NECTIN3: variants seen among roughly 807,000 people sequenced by gnomAD.
NECTIN3 encodes the protein nectin cell adhesion molecule 3.
A neutral mutation model predicts 49.4 loss-of-function variants in NECTIN3; 8 were observed. That is an observed-to-expected ratio of 0.16 (90% CI 0.10 to 0.29). NECTIN3 has a LOEUF of 0.29. Among genes scored for constraint, NECTIN3 ranks in the 10% least tolerant of loss-of-function variants. The probability of loss-of-function intolerance (pLI) is 1.00; values close to 1 mark genes in which losing one functional copy is unlikely to be tolerated. For synonymous variants in NECTIN3, 277 were observed against 241.1 expected (o/e 1.15, Z -1.38); for missense variants, 581 against 654.6 (o/e 0.89, Z 1.23).
chr3:111,126,032 T>G, intron 4 of NECTIN3, 152 bp from the exon 5 acceptor site: 1 of 529,574 alleles, frequency 1.9e-6, no homozygotes, highest in Non-Finnish European at 3.0e-6. Flanking sequence ...AATGAAAATT[T>G]GTTACTTTTT....
At chr3:111,087,812 C>T (rs1488253269) in intron 1 of NECTIN3, among the ~76,000 whole-genome samples, 4 of 151,896 alleles carry the variant, frequency 2.6e-5, no homozygotes, top group Non-Finnish European at 5.9e-5. Context: ...ATTCTCTTGC[C>T]TCAGTCTCCT....
intron 7 of NECTIN3, among the ~76,000 whole-genome samples, chr3:111,154,622 G>A (rs891049732): frequency 4.1e-4 from 62 of 152,144 alleles, no homozygotes; most frequent in African/African-American, 1.4e-3. Context: ...TATGAGCCAA[G>A]TGAGTTGCTT....
chr3:111,128,811 T>C (rs933129544), intron 5 of NECTIN3, among the ~76,000 whole-genome samples: 1 of 152,210 alleles, frequency 6.6e-6, no homozygotes, highest in Non-Finnish European at 1.5e-5. Context: ...ATTTCACTAT[T>C]ACAATAACCA....
At position 111,133,697 on chromosome 3, in the gene NECTIN3, G is replaced by A. The variant is rs1205844764; in HGVS notation, c.1132G>A (p.Glu378Lys). Residue 378 changes from glutamate (E) to lysine (K), a missense_variant, in exon 6 of 6, where the codon GAG (glutamate) becomes AAG (lysine). Glu to Lys is a moderately conservative substitution (Grantham distance 56). Around this residue, in one of 3 missense-constraint regions of NECTIN3, gnomAD observed 238 missense variants for 244.9 expected, o/e 0.97. Coordinates refer to ENST00000485303, the MANE Select transcript of NECTIN3 (RefSeq NM_015480.3). ...IQWHPSTADI[E>K]DLATEPKKLP... ...GTGGCATCCCTCAACTGCTGACATC[G>A]AGGATCTAGCAACAGAACCTAAAAA... The A allele has an allele frequency of 5.6e-6, 9 of 1,613,636 alleles. No homozygotes were observed. The highest frequency in any genetic ancestry group is 4.0e-5 in the African/African-American group (3 of 74,854).
intron 7 of NECTIN3, among the ~76,000 whole-genome samples, chr3:111,172,336 A>G (rs1044241795): frequency 1.3e-5 from 2 of 152,168 alleles, no homozygotes; most frequent in African/African-American, 4.8e-5. Flanking sequence ...GCTTAATGAT[A>G]CTATGTTAAG....
downstream of NECTIN3, among the ~76,000 whole-genome samples, chr3:111,140,693 A>C (rs1426664115): frequency 1.3e-5 from 2 of 151,728 alleles, no homozygotes; most frequent in Non-Finnish European, 2.9e-5. Flanking sequence ...TTATTAGTTC[A>C]CTCAGCTGAG....
intron 7 of NECTIN3, among the ~76,000 whole-genome samples, chr3:111,186,429 G>A (rs2035720886): frequency 6.6e-6 from 1 of 152,048 alleles, no homozygotes; most frequent in South Asian, 2.1e-4. Flanking sequence ...TCTGATCTTT[G>A]ACAAAGTCAA....
At chr3:111,117,111 T>A (rs908814452) in intron 2 of NECTIN3, among the ~76,000 whole-genome samples, 2 of 152,080 alleles carry the variant, frequency 1.3e-5, no homozygotes, top group Non-Finnish European at 2.9e-5. Context: ...TATACAATTG[T>A]ATGTAAATCC....
At chr3:111,124,419 T>C (rs1576133925) in intron 4 of NECTIN3, among the ~76,000 whole-genome samples, 1 of 152,202 alleles carries the variant, frequency 6.6e-6, no homozygotes, top group East Asian at 1.9e-4. Flanking sequence ...TCTAAGTCAT[T>C]TTACAATTTC....
At chr3:111,145,360 C>T (rs1226200814) in intron 6 of NECTIN3, among the ~76,000 whole-genome samples, 2 of 151,924 alleles carry the variant, frequency 1.3e-5, no homozygotes, top group Admixed American at 6.6e-5. Context: ...AAGTGGTAAC[C>T]GAAGGACATA....
intron 1 of NECTIN3, among the ~76,000 whole-genome samples, chr3:111,075,847 A>G (rs939167929): frequency 6.6e-5 from 10 of 152,148 alleles, no homozygotes; most frequent in Non-Finnish European, 1.5e-4. Flanking sequence ...CCATAAGGTC[A>G]CTTAGAATGT....
chr3:111,146,365 C>T (rs1188242831), intron 6 of NECTIN3, among the ~76,000 whole-genome samples: 7 of 144,874 alleles, frequency 4.8e-5, no homozygotes, highest in South Asian at 4.4e-4. Flanking sequence ...ACCCGGGAGG[C>T]GGAGCTTGCA....
chr3:111,082,773 T>C (rs940143524), intron 1 of NECTIN3, among the ~76,000 whole-genome samples: 8 of 152,180 alleles, frequency 5.3e-5, no homozygotes, highest in Non-Finnish European at 1.0e-4. Flanking sequence ...GATTGTAATA[T>C]ATAATGAAAT....
intron 7 of NECTIN3, among the ~76,000 whole-genome samples, chr3:111,154,700 G>C (rs1480140975): frequency 6.6e-6 from 1 of 152,048 alleles, no homozygotes; most frequent in Non-Finnish European, 1.5e-5. Flanking sequence ...GTGTGGTTGT[G>C]TTTTATTTAG....
chr3:111,115,568 C>G (rs1279128204), intron 2 of NECTIN3, among the ~76,000 whole-genome samples: 1 of 152,160 alleles, frequency 6.6e-6, no homozygotes, highest in Non-Finnish European at 1.5e-5. Context: ...TCCCAAGTGA[C>G]TTATGTACAC....
At chr3:111,157,211 A>C (rs533694552) in intron 7 of NECTIN3, among the ~76,000 whole-genome samples, 1 of 152,258 alleles carries the variant, frequency 6.6e-6, no homozygotes, top group South Asian at 2.1e-4. Flanking sequence ...ATATTTTTCA[A>C]AACGCATTAG....
At chr3:111,165,673 A>G (rs142021730) in intron 7 of NECTIN3, among the ~76,000 whole-genome samples, 3 of 152,292 alleles carry the variant, frequency 2.0e-5, no homozygotes, top group South Asian at 4.1e-4. Flanking sequence ...TGCCTGTAAA[A>G]CTTAAAAAGC....
At chr3:111,161,741 C>T (rs1424278283) in intron 7 of NECTIN3, among the ~76,000 whole-genome samples, 3 of 152,166 alleles carry the variant, frequency 2.0e-5, no homozygotes, top group Non-Finnish European at 2.9e-5. Flanking sequence ...AGCCATCCCT[C>T]GTTCCAAAAA....
At chr3:111,152,933 G>A (rs1259644333) in intron 7 of NECTIN3, among the ~76,000 whole-genome samples, 1 of 151,814 alleles carries the variant, frequency 6.6e-6, no homozygotes, top group East Asian at 1.9e-4. Context: ...TTTTTAGGTA[G>A]GCTGCTTTTG....
Sources: allele counts gnomAD v4.1 joint callset (sites outside exome capture counted in the v4.1 genomes callset), GRCh38; gene constraint gnomAD v4.1.1; regional missense constraint gnomAD v4.1.1; transcripts MANE v1.5; gene names NCBI Gene and HGNC (gene_info 2026-07-23, HGNC 2026-07-21).